RIF1: variants seen among roughly 807,000 people sequenced by gnomAD.
RIF1 encodes the protein telomere-associated protein RIF1.
RIF1 carries 45 observed loss-of-function variants against 247.1 expected under a neutral mutation model. The ratio of observed to expected loss-of-function variants is 0.18; its 90% CI spans 0.14 to 0.23. RIF1 has a LOEUF of 0.23. Ranked by LOEUF, RIF1 falls within the 10% of genes least tolerant of loss-of-function variation. RIF1 has a pLI of 1.00. For synonymous variants in RIF1, 1,087 were observed against 978.8 expected, an observed-to-expected ratio of 1.11 and a Z score of -2.06; for missense variants, 2,967 against 2,862.5, an observed-to-expected ratio of 1.04 and a Z score of -0.83.
At chr2:151,514,866 G>A in the RIF1 span, 2 of 1,588,620 alleles carry the variant, frequency 1.3e-6, no homozygotes, top group Non-Finnish European at 1.7e-6. Flanking sequence ...AAGCTGGCGT[G>A]ACCTCCAGGC....
At chr2:151,474,597 A>G (rs530552786) in intron 35 of RIF1, among the ~76,000 whole-genome samples, 1 of 152,188 alleles carries the variant, frequency 6.6e-6, no homozygotes, top group East Asian at 1.9e-4. Context: ...AATGGCTTGA[A>G]CCTATGAGGC....
intron 20 of RIF1, among the ~76,000 whole-genome samples, chr2:151,447,092 C>T (rs1332364698): frequency 1.3e-5 from 2 of 151,722 alleles, no homozygotes; most frequent in Non-Finnish European, 2.9e-5. Flanking sequence ...CACAGGCGCC[C>T]GCCACCACGC....
the RIF1 span, chr2:151,516,611 A>G: frequency 8.1e-7 from 1 of 1,231,394 alleles, no homozygotes; most frequent in South Asian, 1.3e-5. Context: ...GTCAATTCCT[A>G]GACAGCAGTT....
chr2:151,451,618 G>C lies in RIF1; in HGVS notation c.2257G>C (p.Val753Leu). The change falls in exon 21 of 36, where the codon GTG (valine) becomes CTG (leucine). Residue 753 changes from valine to leucine, a missense_variant. Physicochemically the swap from Val to Leu is conservative, Grantham distance 32 (BLOSUM62 1). Coordinates refer to ENST00000444746, the MANE Select transcript of RIF1 (RefSeq NM_018151.5). Reference protein sequence around the residue: ...EDEGFSNLLFVDRIIYIITVM... With the variant: ...EDEGFSNLLFLDRIIYIITVM... ...CTTTCTTCCCTAGAATTTGTTGTTC[G>C]TGGATAGAATTATTTATATTATTAC... 7.0e-7 allele frequency: 1 copy of C among 1,428,430 alleles called. No individual in the cohort carries two copies. Among genetic ancestry groups the C allele is most frequent in the Admixed American group, 1.7e-5 (1 of 59,540 alleles). The allele number at this position is 1,428,430 out of a possible 1,614,324, so 88.5% of individuals were successfully genotyped here.
chr2:151,494,201 T>G, intron 9 of RIF1: 1 of 1,608,642 alleles, frequency 6.2e-7, no homozygotes, highest in Non-Finnish European at 8.5e-7. Flanking sequence ...TCTCTGCATC[T>G]CAGGAGTGAC....
intron 6 of RIF1, among the ~76,000 whole-genome samples, chr2:151,419,000 T>G (rs1460639229): frequency 8.3e-6 from 1 of 120,878 alleles, no homozygotes; most frequent in Non-Finnish European, 1.7e-5. Context: ...TTAACTTTCA[T>G]AACTTTTTGG....
chr2:151,411,567 A>C (rs2152067249), intron 3 of RIF1, among the ~76,000 whole-genome samples: 1 of 152,038 alleles, frequency 6.6e-6, no homozygotes, highest in East Asian at 1.9e-4. Flanking sequence ...CGCCCCGGCT[A>C]ATTTTGTATT....
chr2:151,410,446 C>T lies in RIF1; in HGVS notation c.23C>T (p.Pro8Leu), dbSNP rs146560199. The T allele has an allele frequency of 7.9e-5, 127 of 1,613,870 alleles. No homozygotes were observed. Among genetic ancestry groups the T allele is most frequent in the Non-Finnish European group, 1.0e-4 (123 of 1,179,986 alleles). Residue 8 changes from proline to leucine, a missense_variant, in exon 2 of 36, where the codon CCC becomes CTC. Around this residue, in one of 7 missense-constraint regions of RIF1, gnomAD observed 269 missense variants for 288.6 expected, o/e 0.93. Coordinates refer to ENST00000444746, the MANE Select transcript of RIF1 (RefSeq NM_018151.5). MTARGQSPLAPLLETLED... is the reference protein window; with the variant it reads MTARGQSLLAPLLETLED... ...GACATGACGGCCAGGGGTCAGAGCC[C>T]CCTCGCGCCGCTGTTGGAGACTTTG...
intron 9 of RIF1, among the ~76,000 whole-genome samples, chr2:151,490,685 T>C (rs1217935666): frequency 6.6e-6 from 1 of 152,218 alleles, no homozygotes; most frequent in East Asian, 1.9e-4. Context: ...TTGTCTTTCT[T>C]ATTTTTACAG....
the RIF1 span, among the ~76,000 whole-genome samples, chr2:151,515,543 C>T: frequency 2.0e-5 from 3 of 152,222 alleles, no homozygotes; most frequent in East Asian, 5.8e-4. Flanking sequence ...CACTGAATAG[C>T]TTAGGTGGGC....
intron 9 of RIF1, among the ~76,000 whole-genome samples, chr2:151,429,651 A>G (rs188091598): frequency 6.6e-6 from 1 of 152,366 alleles, no homozygotes; most frequent in Non-Finnish European, 1.5e-5. Context: ...TGTGATTTCC[A>G]TGGAATAAAA....
intron 9 of RIF1, chr2:151,490,055 T>A: frequency 6.2e-7 from 1 of 1,610,382 alleles, no homozygotes; most frequent in East Asian, 2.2e-5. Flanking sequence ...GTGGGAGCTC[T>A]GTGGTTTTTG....
chr2:151,534,114 T>C, the RIF1 span: 3 of 869,014 alleles, frequency 3.5e-6, no homozygotes, highest in Non-Finnish European at 3.7e-6. Flanking sequence ...CCCAATATCA[T>C]AGGCAGAACC....
In RIF1 at chr2:151,468,506, C is replaced by G. The variant is rs758547078; in HGVS notation, c.6780C>G (p.Ser2260=). The stretch of plus-strand genomic sequence containing the variant: ...CCACTTCAGCCAAAGGATTTCTGTC[C>G]CCAGGATCACGTAGCCCTAAATTTA... The part of the protein sequence containing the change: ...HNTTSAKGFL[S]PGSRSPKFKS... Residue 2260 remains serine (S), a synonymous_variant, in exon 32 of 36, where the codon TCC becomes TCG. Transcript: ENST00000444746. 1 of 1,613,438 alleles carries G rather than the reference C, an allele frequency of 6.2e-7. No individual in the cohort carries two copies. The highest frequency in any genetic ancestry group is 1.3e-5 in the African/African-American group (1 of 74,950).
intron 4 of RIF1, 124 bp from the exon 5 acceptor site, chr2:151,416,437 A>G: frequency 1.1e-6 from 1 of 902,258 alleles, no homozygotes; most frequent in Non-Finnish European, 1.6e-6. Context: ...TGGTTCTCTG[A>G]TCTGTTCTCT....
chr2:151,446,135 T>G (rs1461560326), intron 19 of RIF1, among the ~76,000 whole-genome samples: 9 of 151,954 alleles, frequency 5.9e-5, no homozygotes, highest in Admixed American at 5.2e-4. Context: ...GCCTCCCGAG[T>G]AGCTGGGATT....
Position 151,410,486 on chromosome 2 carries a change from C to T in RIF1, c.63C>T (p.Ala21=). 5 of 1,614,088 alleles carry T rather than the reference C, an allele frequency of 3.1e-6. No individual in the cohort carries two copies. Among genetic ancestry groups the T allele is most frequent in the Non-Finnish European group, 3.4e-6 (4 of 1,180,022 alleles). The change falls in exon 2 of 36, where the codon GCC becomes GCT. Residue 21 remains alanine, a synonymous_variant. Transcript: ENST00000444746. ...PLLETLEDPS[A]SHGGQTDAYL... ...TGGAGACTTTGGAAGACCCTTCTGC[C>T]TCCCATGGAGGGCAGACTGACGCTT...
intron 17 of RIF1, 80 bp downstream of exon 17, chr2:151,443,409 G>GTT: frequency 7.6e-7 from 1 of 1,308,478 alleles, no homozygotes; most frequent in Admixed American, 2.4e-5. Context: ...TATTTCATAA[G>GTT]TTTAAGTTTT....
At chr2:151,441,468 T>C (rs1433571986) in intron 15 of RIF1, among the ~76,000 whole-genome samples, 1 of 152,204 alleles carries the variant, frequency 6.6e-6, no homozygotes, top group Non-Finnish European at 1.5e-5. Context: ...TATATATTGA[T>C]GCAAAAATTC....
Sources: allele counts gnomAD v4.1 joint callset (sites outside exome capture counted in the v4.1 genomes callset), GRCh38; gene constraint gnomAD v4.1.1; regional missense constraint gnomAD v4.1.1; transcripts MANE v1.5; gene names NCBI Gene and HGNC (gene_info 2026-07-23, HGNC 2026-07-21).